Variants in PLEC observed in about 807,000 individuals in gnomAD.
PLEC encodes the protein hemidesmosomal protein 1.
PLEC carries 216 observed loss-of-function variants against 392.8 expected under a neutral mutation model. The ratio of observed to expected loss-of-function variants is 0.55; its 90% CI spans 0.49 to 0.62. PLEC has a LOEUF of 0.62. Among genes scored for constraint, PLEC ranks in the 20% least tolerant of loss-of-function variants. PLEC has a pLI of 0.00. For missense variants in PLEC, 6,863 were observed against 6,563.4 expected, an observed-to-expected ratio of 1.05 and a Z score of -1.58; for synonymous variants, 3,621 against 2,980.6, an observed-to-expected ratio of 1.21 and a Z score of -7.00.
At chr8:143,949,852 GAC>G (rs1477107908) in intron 1 of PLEC, among the ~76,000 whole-genome samples, 1 of 152,334 alleles carries the variant, frequency 6.6e-6, no homozygotes, top group East Asian at 1.9e-4. Flanking sequence ...CCTCGGGGAA[GAC>G]AGGTCACTGG....
At chr8:143,958,829 C>T, upstream of PLEC, 1 of 275,376 alleles carries the variant, frequency 3.6e-6, no homozygotes. The surrounding 1 kb of genome is among the most constrained non-coding windows in gnomAD (Gnocchi z 4.9). Flanking sequence ...GCGGCTGCCT[C>T]ACCCAGCACC....
chr8:143,937,133 G>A, intron 4 of PLEC, 32 bp downstream of exon 4: 1 of 1,609,370 alleles, frequency 6.2e-7, no homozygotes, highest in South Asian at 1.1e-5. Context: ...GAGGGGTCTG[G>A]GTGGGGCCCA....
In PLEC at chr8:143,937,514, G is replaced by A. The variant is rs1829375189; in HGVS notation, c.265-272C>T. On this transcript the variant is annotated intron_variant, in intron 3 of 31. Coordinates refer to ENST00000345136, the MANE Select transcript of PLEC (RefSeq NM_201384.3). The stretch of plus-strand genomic sequence containing the variant: ...CAATAGCCAGGAAGCCTCGTGTGGA[G>A]GGCAGTGGCACTAAAGGGGGGGTCC... The A allele has an allele frequency of 8.9e-6, 5 of 563,552 alleles. 2 individuals are homozygous for A. The South Asian group carries it at 9.8e-5, about 11-fold the overall frequency. 34.9% of individuals were successfully genotyped at this position (563,552 alleles called of 1,614,324 possible).
chr8:143,976,259 C>G (rs1213720416), upstream of PLEC, among the ~76,000 whole-genome samples: 1 of 152,206 alleles, frequency 6.6e-6, no homozygotes, highest in Non-Finnish European at 1.5e-5. Context: ...TCCCCAGCCC[C>G]CGTCCCCAAG....
chr8:143,917,715 T>G lies in PLEC; in HGVS notation c.12106A>C (p.Lys4036Gln), dbSNP rs1554672952. Residue 4036 changes from lysine to glutamine, a missense_variant, in exon 32 of 32, where the codon AAG becomes CAG. Transcript: ENST00000345136. ...FQAMKKGLIL[K>Q]DHGIRLLEAQ... The stretch of plus-strand genomic sequence containing the variant: ...TCCAGCAGGCGGATGCCATGGTCCT[T>G]CAGGATCAGGCCCTTCTTCATGGCC... 1 of 1,613,410 alleles carries G rather than the reference T, an allele frequency of 6.2e-7. No homozygotes were observed. The highest frequency in any genetic ancestry group is 8.5e-7 in the Non-Finnish European group (1 of 1,179,992).
intron 21 of PLEC, 29 bp downstream of exon 21, chr8:143,930,115 C>T (rs1228678722): frequency 5.0e-6 from 8 of 1,595,162 alleles, no homozygotes; most frequent in Middle Eastern, 3.4e-4. Flanking sequence ...CGCCTTCCAG[C>T]CCCCACCTGC....
At chr8:143,949,944 C>T (rs1831944127) in intron 1 of PLEC, among the ~76,000 whole-genome samples, 2 of 152,040 alleles carry the variant, frequency 1.3e-5, no homozygotes, top group Admixed American at 6.5e-5. Context: ...TGTGCCTGGG[C>T]CACAGGCTCC....
chr8:143,940,551 C>CTGG (rs1356616433), upstream of PLEC, among the ~76,000 whole-genome samples: 3 of 152,180 alleles, frequency 2.0e-5, no homozygotes, highest in Admixed American at 1.3e-4. Flanking sequence ...CTCCGGCTCC[C>CTGG]TGGGGTCCGG....
rs782288481 is a variant in PLEC, at chr8:143,922,409, G to A, written c.7426-14C>T. The A allele has an allele frequency of 1.7e-5, 28 of 1,600,752 alleles. No individual in the cohort carries two copies. Among genetic ancestry groups the A allele is most frequent in the African/African-American group, 8.0e-5 (6 of 74,894 alleles). Reference sequence around the variant, plus strand: ...CACCGTCTGCATCTGCAGAAGAAGAGGGTGTGATCAGGGACCGCCAGCCCA... The same window carrying A: ...CACCGTCTGCATCTGCAGAAGAAGAAGGTGTGATCAGGGACCGCCAGCCCA... On this transcript the variant is annotated splice_polypyrimidine_tract_variant and intron_variant, in intron 31 of 31. Transcript: ENST00000345136.
chr8:143,961,174 A>G (rs7357417), intron 1 of PLEC, among the ~76,000 whole-genome samples: 59,491 of 152,082 alleles, frequency 0.39, 11,946 homozygotes, highest in African/African-American at 0.43. Flanking sequence ...GGTAAAAAAC[A>G]GTATCTTGAT....
In PLEC at chr8:143,935,005, A is replaced by C; in HGVS notation, c.825+6T>G. On this transcript the variant is annotated splice_donor_region_variant and intron_variant, in intron 8 of 31. Transcript: ENST00000345136. ...AAGCCCCCTGCCCTCCGGGCCCCCC[A>C]CTCACGTTGGCCCTCACCCCATCCT... The C allele has an allele frequency of 1.2e-6, 2 of 1,612,054 alleles. No individual in the cohort carries two copies. The highest frequency in any genetic ancestry group is 1.1e-5 in the South Asian group (1 of 91,062).
upstream of PLEC, chr8:143,953,955 G>A (rs1832447080): frequency 3.7e-6 from 5 of 1,358,366 alleles, no homozygotes; most frequent in Non-Finnish European, 3.8e-6. Context: ...GCATGCTCCC[G>A]GCCGCACCGC....
intron 26 of PLEC, 22 bp from the exon 27 acceptor site, chr8:143,927,788 T>A: frequency 6.3e-7 from 1 of 1,594,160 alleles, no homozygotes; most frequent in Non-Finnish European, 8.5e-7. Flanking sequence ...AGGAGGGACA[T>A]GTGCGGCTTC....
At chr8:143,975,346 G>T (rs1554745728), upstream of PLEC, 2 of 1,610,286 alleles carry the variant, frequency 1.2e-6, no homozygotes, top group East Asian at 4.5e-5. This position sits in a 1 kb window ranked among gnomAD's most constrained non-coding sequence, Gnocchi z 9.9. Context: ...AGACTGCCCG[G>T]ACCTCAGCGT....
upstream of PLEC, among the ~76,000 whole-genome samples, chr8:143,953,259 C>G (rs1426083202): frequency 6.9e-6 from 1 of 144,578 alleles, no homozygotes; most frequent in Admixed American, 6.8e-5. Flanking sequence ...CCAGCCCCCC[C>G]ACCCCACCCC....
At chr8:143,958,126 G>A (rs1447535843), upstream of PLEC, among the ~76,000 whole-genome samples, 3 of 152,118 alleles carry the variant, frequency 2.0e-5, no homozygotes, top group African/African-American at 4.8e-5. The surrounding 1 kb of genome is among the most constrained non-coding windows in gnomAD (Gnocchi z 4.9). Context: ...TCGCAGCCTT[G>A]GCCCAACAAC....
chr8:143,957,369 G>A (rs543139869), upstream of PLEC, among the ~76,000 whole-genome samples: 47 of 152,256 alleles, frequency 3.1e-4, no homozygotes, highest in African/African-American at 9.9e-4. Context: ...GGCTGCAGTC[G>A]GGCTCACCAG....
Position 143,924,436 on chromosome 8 carries a change from C to A in PLEC, c.5493G>T (p.Ala1831=). The A allele has an allele frequency of 6.4e-7, 1 of 1,573,338 alleles. No homozygotes were observed. The highest frequency in any genetic ancestry group is 8.6e-7 in the Non-Finnish European group (1 of 1,168,374). Residue 1831 remains alanine, a synonymous_variant, in exon 31 of 32, where the codon GCG becomes GCT. Coordinates refer to ENST00000345136, the MANE Select transcript of PLEC (RefSeq NM_201384.3). ...EEDAARQRAE[A]ERVLAEKLAA... ...CCAGCTTCTCCGCAAGCACCCGCTCCGCCTCGGCCCGCTGCCGCGCCGCGT... is the reference window on the plus strand; with the variant it reads ...CCAGCTTCTCCGCAAGCACCCGCTCAGCCTCGGCCCGCTGCCGCGCCGCGT...
In PLEC at chr8:143,929,650, T is replaced by C. The variant is rs782210399; in HGVS notation, c.2919A>G (p.Glu973=). Residue 973 remains glutamate, a synonymous_variant, in exon 23 of 32, where the codon GAA becomes GAG. Coordinates refer to ENST00000345136, the MANE Select transcript of PLEC (RefSeq NM_201384.3). Reference sequence around the variant, plus strand: ...CCCAGCCCTGCCGTGCCCTACCCTGTTCCAGGCTCTGCAGCAGCTGCTGGT... The same window carrying C: ...CCCAGCCCTGCCGTGCCCTACCCTGCTCCAGGCTCTGCAGCAGCTGCTGGT... ...HHYQQLLQSL[E]QGAQEESRCQ... The C allele has an allele frequency of 1.2e-6, 2 of 1,605,148 alleles. No homozygotes were observed. The highest frequency in any genetic ancestry group is 4.5e-5 in the East Asian group (2 of 44,864).
Sources: allele counts gnomAD v4.1 joint callset (sites outside exome capture counted in the v4.1 genomes callset), GRCh38; gene constraint gnomAD v4.1.1; non-coding constraint Gnocchi (gnomAD v3.1); transcripts MANE v1.5; gene names NCBI Gene and HGNC (gene_info 2026-07-23, HGNC 2026-07-21).